CADPS: variants seen among roughly 807,000 people sequenced by gnomAD.
The protein encoded by CADPS is calcium-dependent secretion activator 1.
In CADPS, 57 loss-of-function variants were observed where a neutral mutation model predicts 167.3. That is an observed-to-expected ratio of 0.34 (90% confidence interval 0.28 to 0.42). The LOEUF (loss-of-function observed/expected upper bound fraction) is 0.42. CADPS is among the 20% of genes least tolerant of loss of function. CADPS has a pLI of 1.00. For synonymous variants in CADPS, 676 were observed against 635.3 expected, an observed-to-expected ratio of 1.06 and a Z score of -0.96; for missense variants, 1,414 against 1,738.1, an observed-to-expected ratio of 0.81 and a Z score of 3.32.
chr3:62,598,373 T>C (rs1269848842), intron 6 of CADPS, among the ~76,000 whole-genome samples: 1 of 152,212 alleles, frequency 6.6e-6, no homozygotes, highest in African/African-American at 2.4e-5. Context: ...TGGCCTTTTT[T>C]TGTCAATGCT....
At chr3:62,549,447 G>GTGT (rs1553908689) in intron 11 of CADPS, among the ~76,000 whole-genome samples, 1 of 129,288 alleles carries the variant, frequency 7.7e-6, no homozygotes, top group African/African-American at 3.1e-5. Flanking sequence ...CATGTTTTGT[G>GTGT]TTTTTTTTTT....
rs1704850641 is a variant in CADPS, at chr3:62,398,584, T to C, written c.*822A>G. On this transcript the variant is annotated 3_prime_UTR_variant, in exon 30 of 30. Transcript: ENST00000383710. ...TATGGTTACAATCTACTGAAGGAAA[T>C]ATCCACATCTTATTATAAACACATT... 1 of 152,630 alleles carries C rather than the reference T, an allele frequency of 6.6e-6. No homozygotes were observed. The highest frequency in any genetic ancestry group is 2.4e-5 in the African/African-American group (1 of 41,446). The allele number at this position is 152,630 out of a possible 1,614,324, so 9.5% of individuals were successfully genotyped here. A position where few individuals can be genotyped will look rare whatever the true frequency, so the allele number is the denominator to read the frequency against.
At chr3:62,811,023 ACT>A (rs1011131832) in intron 1 of CADPS, among the ~76,000 whole-genome samples, 5 of 152,170 alleles carry the variant, frequency 3.3e-5, no homozygotes, top group East Asian at 1.9e-4. Flanking sequence ...ATGGAACCAG[ACT>A]CTGTTTATAA....
chr3:62,540,942 G>C (rs1032809207), intron 11 of CADPS, among the ~76,000 whole-genome samples: 3 of 152,178 alleles, frequency 2.0e-5, no homozygotes, highest in Non-Finnish European at 4.4e-5. Flanking sequence ...CAGTATGAAA[G>C]AGTCAATTCC....
chr3:62,685,751 C>A (rs2077899611), intron 3 of CADPS, among the ~76,000 whole-genome samples: 1 of 151,802 alleles, frequency 6.6e-6, no homozygotes, highest in South Asian at 2.1e-4. Flanking sequence ...CATCATCAGG[C>A]ATTAGATTCT....
At chr3:62,610,189 C>G (rs72874417) in intron 6 of CADPS, among the ~76,000 whole-genome samples, 6,487 of 150,998 alleles carry the variant, frequency 0.043, 220 homozygotes, top group South Asian at 0.098. Flanking sequence ...TTTTTTCCTT[C>G]CTTTCTTTTC....
intron 3 of CADPS, among the ~76,000 whole-genome samples, chr3:62,735,997 T>A (rs755223846): frequency 1.3e-5 from 2 of 152,178 alleles, no homozygotes; most frequent in Non-Finnish European, 2.9e-5. Context: ...ATCTAACTGA[T>A]ACAACTGATC....
chr3:62,496,959 C>G (rs1285808486), intron 18 of CADPS, among the ~76,000 whole-genome samples: 1 of 152,108 alleles, frequency 6.6e-6, no homozygotes, highest in Non-Finnish European at 1.5e-5. Flanking sequence ...GTCTCAGGCA[C>G]TTCAAAGTAT....
At chr3:62,404,228 G>T (rs949393099) in intron 28 of CADPS, 1 of 152,492 alleles carries the variant, frequency 6.6e-6, no homozygotes, top group African/African-American at 2.4e-5. Flanking sequence ...CAGAAAAGAT[G>T]CAAAAAAGAA....
chr3:62,639,759 A>G (rs1164332611), intron 6 of CADPS, among the ~76,000 whole-genome samples: 3 of 152,096 alleles, frequency 2.0e-5, no homozygotes, highest in Non-Finnish European at 4.4e-5. Flanking sequence ...CGTGGCCCCT[A>G]AGACCTGTAA....
intron 6 of CADPS, among the ~76,000 whole-genome samples, chr3:62,614,152 A>G: frequency 6.6e-6 from 1 of 152,328 alleles, no homozygotes; most frequent in South Asian, 2.1e-4. Flanking sequence ...ACTATGGGCC[A>G]GGCAATGTTT....
chr3:62,734,376 A>G (rs896999548), intron 3 of CADPS, among the ~76,000 whole-genome samples: 4 of 152,126 alleles, frequency 2.6e-5, no homozygotes, highest in Admixed American at 2.0e-4. Flanking sequence ...GGTAGTCGCT[A>G]CCATTTTGGA....
rs991302156 is a variant in CADPS, at chr3:62,849,753, C to G, written c.441+24836G>C. On this transcript the variant is annotated intron_variant, in intron 1 of 29. Transcript: ENST00000383710. Reference sequence around the variant, plus strand: ...CTACAATTCTCTTTTTTGGCTGTGTCTCTGCCCGGCTTTGGTATCAGAATG... The same window carrying G: ...CTACAATTCTCTTTTTTGGCTGTGTGTCTGCCCGGCTTTGGTATCAGAATG... Among the ~76,000 whole-genome samples the G allele has an allele frequency of 2.0e-4, 28 of 143,146 alleles. 1 individual carries two copies. The highest frequency in any genetic ancestry group is 3.8e-4 in the Non-Finnish European group (25 of 66,094). 93.9% of individuals were successfully genotyped at this position (143,146 alleles called of 152,430 possible). A position where few individuals can be genotyped will look rare whatever the true frequency, so the allele number is the denominator to read the frequency against.
At chr3:62,521,759 C>T (rs2070659563) in intron 13 of CADPS, among the ~76,000 whole-genome samples, 1 of 152,170 alleles carries the variant, frequency 6.6e-6, no homozygotes, top group East Asian at 1.9e-4. Context: ...ATTTCTAACC[C>T]CTGGATTTGG....
intron 1 of CADPS, among the ~76,000 whole-genome samples, chr3:62,780,248 C>T (rs2091307149): frequency 6.6e-6 from 1 of 151,920 alleles, no homozygotes; most frequent in African/African-American, 2.4e-5. Flanking sequence ...AGATCCCATA[C>T]CTCAAAACTT....
intron 3 of CADPS, among the ~76,000 whole-genome samples, chr3:62,724,466 G>A (rs1194940652): frequency 2.0e-5 from 3 of 152,088 alleles, no homozygotes; most frequent in Non-Finnish European, 4.4e-5. Context: ...GTCTGGTAAT[G>A]ACATAAAAAA....
intron 9 of CADPS, among the ~76,000 whole-genome samples, chr3:62,561,524 T>C (rs2079163282): frequency 6.6e-6 from 1 of 151,790 alleles, no homozygotes; most frequent in African/African-American, 2.4e-5. Flanking sequence ...CGCATTTTGG[T>C]CTCCCAAAGT....
chr3:62,715,649 A>G (rs1268534240), intron 3 of CADPS, among the ~76,000 whole-genome samples: 1 of 151,526 alleles, frequency 6.6e-6, no homozygotes, highest in Non-Finnish European at 1.5e-5. Flanking sequence ...GACATTTGGA[A>G]TACCATCAGA....
At chr3:62,512,871 G>T in intron 16 of CADPS, 103 bp from the exon 17 acceptor site, 1 of 875,218 alleles carries the variant, frequency 1.1e-6, no homozygotes, top group Non-Finnish European at 1.7e-6. Flanking sequence ...ACTTATGTGT[G>T]ATACATGATA....
Sources: gnomAD v4.1 joint callset for allele counts (sites outside exome capture counted in the v4.1 genomes callset) on GRCh38, gnomAD v4.1.1 for gene constraint, MANE v1.5 for transcripts, NCBI Gene and HGNC (gene_info 2026-07-23, HGNC 2026-07-21) for gene names.